The following MAPK10 variants were observed in gnomAD, a reference collection of about 807,000 sequenced individuals.
MAPK10 encodes the protein JNK3 alpha protein kinase.
Under a neutral mutation model 59.3 loss-of-function variants are expected in MAPK10, and 25 were observed. The observed-to-expected ratio is 0.42, with a 90% CI of 0.31 to 0.59. MAPK10 has a LOEUF of 0.59. Among genes scored for constraint, MAPK10 ranks in the 20% least tolerant of loss-of-function variants. MAPK10 has a pLI of 0.15. For synonymous variants in MAPK10, 190 were observed against 200.5 expected, an observed-to-expected ratio of 0.95 and a Z score of 0.44; for missense variants, 351 against 568.9, an observed-to-expected ratio of 0.62 and a Z score of 3.90.
intron 1 of MAPK10, among the ~76,000 whole-genome samples, chr4:86,505,664 C>A (rs1413548808): frequency 6.6e-6 from 1 of 152,066 alleles, no homozygotes; most frequent in Non-Finnish European, 1.5e-5. Flanking sequence ...TCAGATATTT[C>A]TTTTCTTTTA....
At chr4:86,076,120 G>A (rs184229632) in intron 9 of MAPK10, among the ~76,000 whole-genome samples, 209 of 152,338 alleles carry the variant, frequency 1.4e-3, no homozygotes, top group African/African-American at 4.8e-3. Context: ...AAGCCGGTCT[G>A]AAAAGTGCAA....
intron 1 of MAPK10, among the ~76,000 whole-genome samples, chr4:86,367,827 C>T (rs1213478353): frequency 3.9e-5 from 6 of 152,064 alleles, no homozygotes; most frequent in Admixed American, 2.6e-4. Flanking sequence ...AGAATCCAGT[C>T]GCCAAACATC....
At chr4:86,460,293 A>C (rs1751612704) in intron 1 of MAPK10, among the ~76,000 whole-genome samples, 1 of 152,202 alleles carries the variant, frequency 6.6e-6, no homozygotes, top group African/African-American at 2.4e-5. Flanking sequence ...AGGGACTCAA[A>C]GCCAGAGATG....
intron 2 of MAPK10, among the ~76,000 whole-genome samples, chr4:86,210,969 A>T (rs2085627528): frequency 6.6e-6 from 1 of 151,910 alleles, no homozygotes; most frequent in Non-Finnish European, 1.5e-5. Context: ...ACAAACTCCA[A>T]GGAAGATTTG....
At chr4:86,481,890 C>CT (rs1370452753) in intron 1 of MAPK10, among the ~76,000 whole-genome samples, 1 of 152,064 alleles carries the variant, frequency 6.6e-6, no homozygotes. Context: ...GTTCTCAGCA[C>CT]TTTGAGTTAT....
At chr4:86,307,574 T>A (rs1387379756) in intron 2 of MAPK10, among the ~76,000 whole-genome samples, 2 of 151,886 alleles carry the variant, frequency 1.3e-5, no homozygotes, top group Non-Finnish European at 2.9e-5. Context: ...GCAAATAAGA[T>A]TTTAAAAGGT....
At chr4:86,329,606 A>G (rs2096105475) in intron 2 of MAPK10, among the ~76,000 whole-genome samples, 1 of 152,162 alleles carries the variant, frequency 6.6e-6, no homozygotes, top group Non-Finnish European at 1.5e-5. Context: ...TTTGGGGCTT[A>G]TGACAGTGTG....
intron 1 of MAPK10, among the ~76,000 whole-genome samples, chr4:86,557,154 T>C (rs1011847491): frequency 2.0e-5 from 3 of 152,056 alleles, no homozygotes; most frequent in African/African-American, 4.8e-5. Flanking sequence ...AAAAGAAATA[T>C]GAAGTGGACC....
At chr4:86,517,475 C>T (rs1484258006) in intron 1 of MAPK10, among the ~76,000 whole-genome samples, 1 of 151,954 alleles carries the variant, frequency 6.6e-6, no homozygotes. Context: ...CAGGGTTTCA[C>T]CGTGTTAGCC....
At chr4:86,521,555 C>G (rs1158995386) in intron 1 of MAPK10, among the ~76,000 whole-genome samples, 1 of 152,014 alleles carries the variant, frequency 6.6e-6, no homozygotes, top group Non-Finnish European at 1.5e-5. Flanking sequence ...TCTGCTGCAT[C>G]ATACAGGCCA....
rs1251440497 is a variant in MAPK10 at position 86,432,410 on chromosome 4, G to A, written c.-122+20620C>T. 2.0e-5 allele frequency among the ~76,000 whole-genome samples: 3 copies of A among 152,006 alleles called. No individual in the cohort carries two copies. In the South Asian group the frequency reaches 6.2e-4, roughly 31 times the overall value. ...GTGCCTCAGCCTTCCCAGTAGCTGG[G>A]ACTACAGGTGCACACCAGGACGCCC... On this transcript the variant is annotated intron_variant, in intron 1 of 13. Coordinates refer to the MAPK10 transcript ENST00000361569.
At chr4:86,531,012 C>T (rs1205998206) in intron 1 of MAPK10, among the ~76,000 whole-genome samples, 1 of 152,130 alleles carries the variant, frequency 6.6e-6, no homozygotes, top group Admixed American at 6.5e-5. Context: ...TGGAACTGAC[C>T]AACACAGAAG....
intron 10 of MAPK10, among the ~76,000 whole-genome samples, chr4:86,066,121 T>C (rs2046689509): frequency 6.6e-6 from 1 of 152,186 alleles, no homozygotes; most frequent in African/African-American, 2.4e-5. Flanking sequence ...TCAATAAATA[T>C]ATCTTTTAAT....
intron 2 of MAPK10, among the ~76,000 whole-genome samples, chr4:86,298,531 C>T (rs539325340): frequency 1.5e-3 from 234 of 152,280 alleles, no homozygotes; most frequent in Middle Eastern, 3.4e-3. Flanking sequence ...GCAGACAATG[C>T]CACAAGCACT....
At chr4:86,412,188 G>T (rs924513956) in intron 1 of MAPK10, among the ~76,000 whole-genome samples, 10 of 152,098 alleles carry the variant, frequency 6.6e-5, no homozygotes, top group African/African-American at 2.4e-4. Flanking sequence ...TGAGATTCTG[G>T]GTTGAAAATT....
chr4:86,145,092 AC>A (rs2064587884), intron 4 of MAPK10, among the ~76,000 whole-genome samples: 2 of 152,242 alleles, frequency 1.3e-5, no homozygotes, highest in Non-Finnish European at 2.9e-5. Flanking sequence ...TGGCAATTTT[AC>A]AAAAATTACT....
chr4:86,365,028 T>G (rs186130008), upstream of MAPK10, among the ~76,000 whole-genome samples: 1 of 152,182 alleles, frequency 6.6e-6, no homozygotes, highest in South Asian at 2.1e-4. Flanking sequence ...ATTGGGATTA[T>G]TATGTTTGTC....
intron 4 of MAPK10, among the ~76,000 whole-genome samples, chr4:86,133,200 C>T (rs2061325239): frequency 1.3e-5 from 2 of 152,222 alleles, no homozygotes; most frequent in South Asian, 2.1e-4. Flanking sequence ...GTTTTCTCTA[C>T]AGATAATGAT....
chr4:86,385,449 T>G (rs1474870645), intron 1 of MAPK10, among the ~76,000 whole-genome samples: 2 of 152,224 alleles, frequency 1.3e-5, no homozygotes, highest in Admixed American at 1.3e-4. Context: ...ACTTTAACAG[T>G]GTTCTTTCTC....
Sources: gnomAD v4.1 joint callset for allele counts (sites outside exome capture counted in the v4.1 genomes callset) on GRCh38, gnomAD v4.1.1 for gene constraint, MANE v1.5 for transcripts, NCBI Gene and HGNC (gene_info 2026-07-23, HGNC 2026-07-21) for gene names.